The following RNFT2 variants were observed in gnomAD, a reference collection of about 807,000 sequenced individuals.
RNFT2 encodes the protein ring finger protein, transmembrane 2.
A neutral mutation model predicts 53.0 loss-of-function variants in RNFT2; 36 were observed. The observed-to-expected ratio is 0.68, with a 90% CI of 0.52 to 0.90. The LOEUF (loss-of-function observed/expected upper bound fraction) is 0.90, where lower values mean the gene tolerates loss of function less well. RNFT2 is among the 40% of genes least tolerant of loss of function. The pLI, the probability that RNFT2 is intolerant of heterozygous loss-of-function variation, is 0.00. For synonymous variants in RNFT2, 260 were observed against 253.2 expected (o/e 1.03, Z -0.26); for missense variants, 514 against 585.6 (o/e 0.88, Z 1.26).
rs2088230 is a variant in RNFT2 at position 116,851,764 on chromosome 12, A to G, written c.*2316A>G. ...TGTCTAAAAAAAAAAAGAAAGAAAG[A>G]AGGGAGGGAGGGAGGAAGGAAGGAA... On this transcript the variant is annotated 3_prime_UTR_variant, in exon 11 of 11. Transcript: ENST00000257575. The G allele has an allele frequency of 5.2e-6, 4 of 761,984 alleles. No individual in the cohort carries two copies. Among genetic ancestry groups the G allele is most frequent in the African/African-American group, 1.8e-5 (1 of 55,066 alleles). The allele number at this position is 761,984 out of a possible 1,614,324, so 47.2% of individuals were successfully genotyped here.
In RNFT2 at chr12:116,852,328, C is replaced by A. The variant is rs1398658774; in HGVS notation, c.*2880C>A. The A allele has an allele frequency of 4.8e-6, 6 of 1,256,148 alleles. No individual in the cohort carries two copies. In the African/African-American group the frequency reaches 9.0e-5, roughly 19 times the overall value. The allele number at this position is 1,256,148 out of a possible 1,614,324, so 77.8% of individuals were successfully genotyped here. On this transcript the variant is annotated 3_prime_UTR_variant, in exon 11 of 11. Transcript: ENST00000257575. Reference sequence around the variant, plus strand: ...TATTAACATGTCCCCTTCCCCCTGCCCCGCCGTAGATTCAGGACATTTGCC... The same window carrying A: ...TATTAACATGTCCCCTTCCCCCTGCACCGCCGTAGATTCAGGACATTTGCC...
At chr12:116,744,434 T>G (rs1289481711) in intron 3 of RNFT2, among the ~76,000 whole-genome samples, 1 of 152,070 alleles carries the variant, frequency 6.6e-6, no homozygotes, top group Admixed American at 6.6e-5. Context: ...GCTTATGCTG[T>G]GCCAACCGCC....
intron 7 of RNFT2, among the ~76,000 whole-genome samples, chr12:116,786,005 C>G (rs1445709112): frequency 6.6e-6 from 1 of 152,012 alleles, no homozygotes; most frequent in Non-Finnish European, 1.5e-5. Flanking sequence ...TGAGCTGAGA[C>G]CGCGCCACTG....
At chr12:116,771,504 T>C in intron 6 of RNFT2, among the ~76,000 whole-genome samples, 1 of 113,018 alleles carries the variant, frequency 8.8e-6, no homozygotes, top group African/African-American at 3.1e-5. Context: ...AATACGTATA[T>C]GAGCAATTTT....
rs1417403201 is a variant in RNFT2 at position 116,763,898 on chromosome 12, C to T, written c.628-2916C>T. ...AGTCATTATACGAAAAAAATACTTA[C>T]ATACTCATGTTTATAGCAGCACAAT... On this transcript the variant is annotated intron_variant, in intron 5 of 10. Transcript: ENST00000257575. Among the ~76,000 whole-genome samples, 5 of 152,056 alleles carry T rather than the reference C, an allele frequency of 3.3e-5. No homozygotes were observed. In the South Asian group the frequency reaches 8.3e-4, roughly 25 times the overall value.
At chr12:116,788,883 G>T (rs1874064207) in intron 7 of RNFT2, among the ~76,000 whole-genome samples, 1 of 149,928 alleles carries the variant, frequency 6.7e-6, no homozygotes, top group Non-Finnish European at 1.5e-5. Context: ...GAATGGGTAG[G>T]TGGATGGGTA....
intron 7 of RNFT2, among the ~76,000 whole-genome samples, chr12:116,789,089 G>GAGTA: frequency 6.6e-6 from 1 of 150,804 alleles, no homozygotes; most frequent in African/African-American, 2.4e-5. Context: ...GGAGGAGAGT[G>GAGTA]GATGGATGGA....
At chr12:116,788,826 A>ATGGATG in intron 7 of RNFT2, among the ~76,000 whole-genome samples, 1 of 150,068 alleles carries the variant, frequency 6.7e-6, no homozygotes, top group Middle Eastern at 3.5e-3. Flanking sequence ...ATGGATGGAT[A>ATGGATG]GATGGATGGA....
chr12:116,804,291 G>A (rs757171985), intron 7 of RNFT2, among the ~76,000 whole-genome samples: 1 of 152,200 alleles, frequency 6.6e-6, no homozygotes, highest in Non-Finnish European at 1.5e-5. Flanking sequence ...CAACTTGTTA[G>A]AAATGTAAAG....
chr12:116,800,968 A>G (rs1874765871), intron 7 of RNFT2: 1 of 152,200 alleles, frequency 6.6e-6, no homozygotes, highest in African/African-American at 2.4e-5. Flanking sequence ...CTGGGTGACA[A>G]TAAGAATAAC....
At chr12:116,750,886 TATATAATATATATATA>T (rs1872207122) in intron 4 of RNFT2, among the ~76,000 whole-genome samples, 1 of 4,590 alleles carries the variant, frequency 2.2e-4, no homozygotes, top group Admixed American at 1.6e-3. Context: ...ATATATTATA[TATATAATATATATATA>T]TATATATTTT....
chr12:116,780,582 A>G (rs1405066970), intron 7 of RNFT2, among the ~76,000 whole-genome samples: 1 of 152,014 alleles, frequency 6.6e-6, no homozygotes, highest in Non-Finnish European at 1.5e-5. Flanking sequence ...TAGTTGAGCC[A>G]AAATCCTAGG....
At chr12:116,800,392 GA>G (rs1225753961) in intron 7 of RNFT2, among the ~76,000 whole-genome samples, 1 of 151,902 alleles carries the variant, frequency 6.6e-6, no homozygotes, top group Non-Finnish European at 1.5e-5. Context: ...CAGCACTTTG[GA>G]AGGCTGAAGC....
intron 10 of RNFT2, among the ~76,000 whole-genome samples, chr12:116,841,965 AGAGAGAGAGAGAG>A (rs1877361451): frequency 8.5e-6 from 1 of 117,476 alleles, no homozygotes; most frequent in Admixed American, 1.0e-4. Flanking sequence ...ATATAGAGAG[AGAGAGAGAGAGAG>A]AGAGAGAGGG....
At position 116,767,729 on chromosome 12, in the gene RNFT2, G is replaced by A. The variant is rs1213515678; in HGVS notation, c.728+815G>A. On this transcript the variant is annotated intron_variant, in intron 6 of 10. Transcript: ENST00000257575. The stretch of plus-strand genomic sequence containing the variant: ...CAAGTAGCTGGGATTACAGACATGC[G>A]CCACCACGCCCAGCGAATTTTTGTA... Among the ~76,000 whole-genome samples, 10 of 151,980 alleles carry A rather than the reference G, an allele frequency of 6.6e-5. No individual in the cohort carries two copies. The Middle Eastern group carries it at 0.01, about 155-fold the overall frequency.
At chr12:116,747,618 C>A (rs1871959587) in intron 3 of RNFT2, among the ~76,000 whole-genome samples, 1 of 152,126 alleles carries the variant, frequency 6.6e-6, no homozygotes. Flanking sequence ...CTCCTGCTGC[C>A]ATTTCGGACT....
chr12:116,812,111 C>T (rs1875410792), intron 7 of RNFT2, among the ~76,000 whole-genome samples: 3 of 152,110 alleles, frequency 2.0e-5, no homozygotes, highest in Non-Finnish European at 2.9e-5. Context: ...TGCTCAATCT[C>T]AGCTGTTGGG....
At position 116,852,254 on chromosome 12, in the gene RNFT2, A is replaced by G; in HGVS notation, c.*2806A>G. The G allele has an allele frequency of 1.6e-6, 2 of 1,264,186 alleles. No homozygotes were observed. The highest frequency in any genetic ancestry group is 2.0e-6 in the Non-Finnish European group (2 of 1,003,348). The allele number at this position is 1,264,186 out of a possible 1,614,324, so 78.3% of individuals were successfully genotyped here. ...TGGCTAGTGGGCAGATTACCATGCA[A>G]GCCCCAGGAGAAATGGAGGAGCTTT... On this transcript the variant is annotated 3_prime_UTR_variant, in exon 11 of 11. Coordinates refer to ENST00000257575, the MANE Select transcript of RNFT2 (RefSeq NM_001382266.1).
intron 5 of RNFT2, among the ~76,000 whole-genome samples, chr12:116,754,800 A>G (rs1022394304): frequency 1.3e-5 from 2 of 151,994 alleles, no homozygotes; most frequent in Admixed American, 6.6e-5. Context: ...AAAATTGTCT[A>G]TTCATGTTCT....
Sources: allele counts gnomAD v4.1 joint callset (sites outside exome capture counted in the v4.1 genomes callset), GRCh38; gene constraint gnomAD v4.1.1; transcripts MANE v1.5; gene names NCBI Gene and HGNC (gene_info 2026-07-23, HGNC 2026-07-21).